The following UTRN variants were observed in gnomAD, a reference collection of about 807,000 sequenced individuals.
UTRN encodes the protein utrophin.
Under a neutral mutation model 463.9 loss-of-function variants are expected in UTRN, and 283 were observed. The observed-to-expected ratio is 0.61, with a 90% CI of 0.55 to 0.67. The LOEUF is 0.67. Among genes scored for constraint, UTRN ranks in the 30% least tolerant of loss-of-function variants. The pLI is 0.00. For synonymous variants in UTRN, 1,442 were observed against 1,431.5 expected (o/e 1.01, Z -0.17); for missense variants, 3,922 against 4,084.3 (o/e 0.96, Z 1.08).
chr6:144,523,341 G>A (rs538727076), intron 41 of UTRN, among the ~76,000 whole-genome samples, 153 bp downstream of exon 41: 1 of 151,776 alleles, frequency 6.6e-6, no homozygotes, highest in African/African-American at 2.4e-5. Flanking sequence ...AAGGAGTCTT[G>A]CTCTGTCACC....
At chr6:144,386,237 G>A (rs1036049198) in intron 2 of UTRN, among the ~76,000 whole-genome samples, 21 of 152,062 alleles carry the variant, frequency 1.4e-4, no homozygotes, top group Non-Finnish European at 2.1e-4. Flanking sequence ...GTAGGCGGGC[G>A]GACTGCTTGA....
At chr6:144,802,575 T>C (rs549841977) in intron 64 of UTRN, among the ~76,000 whole-genome samples, 1 of 152,294 alleles carries the variant, frequency 6.6e-6, no homozygotes, top group African/African-American at 2.4e-5. Context: ...CGCCAGAGAT[T>C]TTAAAACACC....
rs182743072 is a variant in UTRN at position 144,460,346 on chromosome 6, G to A, written c.2708-851G>A. On this transcript the variant is annotated intron_variant, in intron 21 of 74. Coordinates refer to ENST00000367545, the MANE Select transcript of UTRN (RefSeq NM_007124.3). ...TGTGCATTATTTTGTGAAATGCATT[G>A]AGCATTGTGTGAAATGCTCCACATG... Among the ~76,000 whole-genome samples, 44 of 152,296 alleles carry A rather than the reference G, an allele frequency of 2.9e-4. 1 individual carries two copies. In the East Asian group the frequency reaches 6.4e-3, roughly 22 times the overall value.
chr6:144,490,420 CAA>C lies in UTRN; in HGVS notation c.4263+222_4263+223del, dbSNP rs550013454. Among the ~76,000 whole-genome samples, 582 of 152,270 alleles carry C rather than the reference CAA, an allele frequency of 3.8e-3. 2 individuals carry two copies. Among genetic ancestry groups the C allele is most frequent in the African/African-American group, 0.013 (551 of 41,558 alleles). On this transcript the variant is annotated intron_variant, in intron 31 of 74. Transcript: ENST00000367545. ...TGATTTTGATAGCTGAGATGAGAAA[CAA>C]GAGAGTGAGCCAGATTTAGAAGTTA...
intron 58 of UTRN, among the ~76,000 whole-genome samples, chr6:144,767,835 G>T (rs1005515324): frequency 2.0e-5 from 3 of 151,716 alleles, no homozygotes; most frequent in African/African-American, 7.3e-5. Flanking sequence ...CTTTAGTTTT[G>T]TTCTGTTATA....
chr6:144,831,889 A>G (rs1046707931), intron 69 of UTRN, among the ~76,000 whole-genome samples: 2 of 152,224 alleles, frequency 1.3e-5, no homozygotes, highest in African/African-American at 4.8e-5. Context: ...GAACAGAACA[A>G]TCCTTAAAAG....
chr6:144,763,741 A>G (rs1792966562), intron 58 of UTRN, among the ~76,000 whole-genome samples: 1 of 152,244 alleles, frequency 6.6e-6, no homozygotes, highest in Non-Finnish European at 1.5e-5. Flanking sequence ...AGCAACAACG[A>G]AGAATTAACA....
intron 52 of UTRN, among the ~76,000 whole-genome samples, chr6:144,696,146 G>A (rs1013946684): frequency 2.0e-5 from 3 of 151,992 alleles, no homozygotes; most frequent in African/African-American, 7.2e-5. Context: ...CAGTGTCATT[G>A]ACACTATGTT....
chr6:144,740,014 T>C (rs1789875701), intron 54 of UTRN, among the ~76,000 whole-genome samples: 1 of 152,140 alleles, frequency 6.6e-6, no homozygotes, highest in South Asian at 2.1e-4. Flanking sequence ...GCCAAGAAAC[T>C]TACCTACCTT....
intron 53 of UTRN, among the ~76,000 whole-genome samples, chr6:144,726,734 T>G (rs1266934881): frequency 3.9e-5 from 6 of 152,136 alleles, no homozygotes; most frequent in Non-Finnish European, 8.8e-5. Context: ...CCTCACCTTC[T>G]AGACAGCCTT....
At chr6:144,626,713 C>T (rs569725187) in intron 51 of UTRN, among the ~76,000 whole-genome samples, 3 of 152,270 alleles carry the variant, frequency 2.0e-5, no homozygotes, top group East Asian at 1.9e-4. Flanking sequence ...AATTTCGGCT[C>T]GCTGCAACCT....
chr6:144,712,858 G>A (rs923498020), intron 53 of UTRN, among the ~76,000 whole-genome samples: 7 of 152,186 alleles, frequency 4.6e-5, no homozygotes, highest in African/African-American at 1.7e-4. Flanking sequence ...AATCACTAAA[G>A]GTGTTACCAA....
intron 60 of UTRN, among the ~76,000 whole-genome samples, chr6:144,780,392 A>G (rs1775718722): frequency 6.6e-6 from 1 of 152,172 alleles, no homozygotes; most frequent in Admixed American, 6.5e-5. Flanking sequence ...ATAAGAAAAA[A>G]TAAGATTAGA....
chr6:144,431,126 C>G (rs1420474515), intron 9 of UTRN, among the ~76,000 whole-genome samples: 4 of 152,124 alleles, frequency 2.6e-5, no homozygotes, highest in Admixed American at 1.3e-4. Context: ...TTAGTTGGCT[C>G]AGATGATCTT....
chr6:144,750,055 A>T (rs1325053352), intron 55 of UTRN, among the ~76,000 whole-genome samples: 1 of 152,186 alleles, frequency 6.6e-6, no homozygotes, highest in African/African-American at 2.4e-5. Flanking sequence ...TATAGCTAAA[A>T]TCCTGACTAA....
chr6:144,647,210 C>T (rs997889741), intron 51 of UTRN, among the ~76,000 whole-genome samples: 1 of 152,106 alleles, frequency 6.6e-6, no homozygotes, highest in Non-Finnish European at 1.5e-5. Flanking sequence ...TTCGAGTGAA[C>T]TGATATATTT....
intron 2 of UTRN, among the ~76,000 whole-genome samples, chr6:144,379,806 G>A (rs892170789): frequency 1.3e-5 from 2 of 152,248 alleles, no homozygotes; most frequent in Non-Finnish European, 2.9e-5. Context: ...TAGGAGTTTT[G>A]CACATAGATG....
rs185035748 is a variant in UTRN at position 144,502,540 on chromosome 6, G to A, written c.4764+3113G>A. 3.1e-3 allele frequency among the ~76,000 whole-genome samples: 466 copies of A among 152,178 alleles called. 1 individual carries two copies. The highest frequency in any genetic ancestry group is 5.2e-3 in the Non-Finnish European group (356 of 68,004). On this transcript the variant is annotated intron_variant, in intron 34 of 74. Coordinates refer to ENST00000367545, the MANE Select transcript of UTRN (RefSeq NM_007124.3). ...TTTTCTGTTCCTGTGTTAGTTTACT[G>A]AGAATGATGGTTTCCAACTTCATCC...
At chr6:144,376,135 C>T (rs1277176744) in intron 2 of UTRN, among the ~76,000 whole-genome samples, 2 of 152,122 alleles carry the variant, frequency 1.3e-5, no homozygotes, top group Non-Finnish European at 2.9e-5. Flanking sequence ...TACAGGTGTG[C>T]ACCACTATTC....
Sources: gnomAD v4.1 joint callset for allele counts (sites outside exome capture counted in the v4.1 genomes callset) on GRCh38, gnomAD v4.1.1 for gene constraint, MANE v1.5 for transcripts, NCBI Gene and HGNC (gene_info 2026-07-23, HGNC 2026-07-21) for gene names.